The following KIAA1217 variants were observed in gnomAD, a reference collection of about 807,000 sequenced individuals.
KIAA1217 encodes sickle tail protein homolog.
In KIAA1217, 88 loss-of-function variants were observed where a neutral mutation model predicts 163.9. That is an observed-to-expected ratio of 0.54 (90% CI 0.45 to 0.64). KIAA1217 has a LOEUF of 0.64. Ranked by LOEUF, KIAA1217 falls within the 30% of genes least tolerant of loss-of-function variation. The pLI is 0.00. For missense variants in KIAA1217, 2,372 were observed against 2,475.0 expected (o/e 0.96, Z 0.88); for synonymous variants, 903 against 923.1 (o/e 0.98, Z 0.39).
rs2069485327 is a variant in KIAA1217 at position 24,513,204 on chromosome 10, C to T, written c.2002-55C>T. The T allele has an allele frequency of 6.4e-6, 10 of 1,557,136 alleles. No homozygotes were observed. In the Admixed American group the frequency reaches 6.9e-5, roughly 11 times the overall value. On this transcript the variant is annotated intron_variant, in intron 9 of 20. Coordinates refer to ENST00000376454, the MANE Select transcript of KIAA1217 (RefSeq NM_019590.5). ...CTCCGAAGACTTCAAGGCATTCACT[C>T]GCCTCCATTTCAGGCAGGCAGAGCC...
intron 2 of KIAA1217, among the ~76,000 whole-genome samples, chr10:24,016,182 A>G (rs1373426889): frequency 6.6e-6 from 1 of 152,138 alleles, no homozygotes; most frequent in African/African-American, 2.4e-5. Context: ...AGGCTGCTAT[A>G]GTAACATTTA....
intron 3 of KIAA1217, among the ~76,000 whole-genome samples, chr10:24,423,650 A>G (rs1043332377): frequency 7.2e-5 from 11 of 151,954 alleles, no homozygotes; most frequent in African/African-American, 2.2e-4. Context: ...AGTAGAGTCG[A>G]GGTTTCACCA....
At chr10:24,508,012 C>T (rs924189174) in intron 9 of KIAA1217, among the ~76,000 whole-genome samples, 7 of 152,062 alleles carry the variant, frequency 4.6e-5, no homozygotes, top group African/African-American at 1.7e-4. Flanking sequence ...AGAATACTTC[C>T]TAACTCATTT....
At chr10:23,861,975 T>C (rs1484744046) in intron 1 of KIAA1217, among the ~76,000 whole-genome samples, 1 of 152,174 alleles carries the variant, frequency 6.6e-6, no homozygotes, top group Non-Finnish European at 1.5e-5. Flanking sequence ...ATGACAGCAA[T>C]AGAAAACTAA....
Position 24,182,797 on chromosome 10 carries a change from A to T in KIAA1217, c.-170-36829A>T, listed in dbSNP as rs116567603. Among the ~76,000 whole-genome samples, 1,019 of 152,282 alleles carry T rather than the reference A, an allele frequency of 6.7e-3. 12 individuals carry two copies. Among genetic ancestry groups the T allele is most frequent in the African/African-American group, 0.023 (947 of 41,546 alleles). ...TAAAATTGTAGTGCTCCTGGTAAACATGTTTGGAGAGGGATTTTAGGAGAT... is the reference window on the plus strand; with the variant it reads ...TAAAATTGTAGTGCTCCTGGTAAACTTGTTTGGAGAGGGATTTTAGGAGAT... On this transcript the variant is annotated intron_variant, in intron 2 of 18. Coordinates refer to the KIAA1217 transcript ENST00000376462.
At chr10:23,839,686 C>T (rs1023430626) in intron 1 of KIAA1217, among the ~76,000 whole-genome samples, 2 of 152,288 alleles carry the variant, frequency 1.3e-5, no homozygotes, top group Non-Finnish European at 1.5e-5. Context: ...TCCTACAGAT[C>T]ATCCCTTTCC....
intron 2 of KIAA1217, among the ~76,000 whole-genome samples, chr10:24,159,545 C>T (rs573319685): frequency 4.0e-5 from 6 of 151,880 alleles, no homozygotes; most frequent in East Asian, 1.9e-4. Context: ...TTTGGGAGGC[C>T]GAGGCGGGCG....
intron 2 of KIAA1217, among the ~76,000 whole-genome samples, chr10:24,361,251 A>G (rs10741053): frequency 0.38 from 58,337 of 151,896 alleles, 12,175 homozygotes; most frequent in Middle Eastern, 0.48. Context: ...TAGTGGCGCA[A>G]TCACAGGTCA....
chr10:24,120,499 G>A (rs2063240444), intron 2 of KIAA1217, among the ~76,000 whole-genome samples: 1 of 152,262 alleles, frequency 6.6e-6, no homozygotes, highest in Non-Finnish European at 1.5e-5. Context: ...GCATAATGTT[G>A]CCCCTATAGC....
intron 14 of KIAA1217, 86 bp downstream of exon 14, chr10:24,528,205 A>C: frequency 9.5e-7 from 1 of 1,049,346 alleles, no homozygotes. Flanking sequence ...CATACTCATC[A>C]ACAGAACCAA....
intron 2 of KIAA1217, among the ~76,000 whole-genome samples, chr10:24,138,467 C>T (rs2063919579): frequency 6.6e-6 from 1 of 152,092 alleles, no homozygotes; most frequent in Non-Finnish European, 1.5e-5. Context: ...TTTTCACATA[C>T]TTGCAATTAT....
intron 1 of KIAA1217, among the ~76,000 whole-genome samples, chr10:23,949,374 A>G (rs1335948188): frequency 1.3e-5 from 2 of 152,150 alleles, no homozygotes; most frequent in East Asian, 3.9e-4. Context: ...TTACAGTTTC[A>G]GTTGTTTGTT....
chr10:24,256,858 T>G (rs1225537922), intron 2 of KIAA1217, among the ~76,000 whole-genome samples: 1 of 152,178 alleles, frequency 6.6e-6, no homozygotes, highest in African/African-American at 2.4e-5. Flanking sequence ...ATATGGAATA[T>G]CTGGTCAACA....
chr10:24,363,557 T>G (rs35796618), intron 2 of KIAA1217, among the ~76,000 whole-genome samples: 53,616 of 127,526 alleles, frequency 0.42, 11,131 homozygotes, highest in Middle Eastern at 0.5. Flanking sequence ...TTTTTGTGGG[T>G]TTTGTTTTTG....
chr10:24,034,282 G>A (rs1848301929), intron 2 of KIAA1217, among the ~76,000 whole-genome samples: 1 of 152,150 alleles, frequency 6.6e-6, no homozygotes, highest in South Asian at 2.1e-4. Flanking sequence ...AAGCTAGCCA[G>A]GTGCTGTGGC....
At chr10:24,073,179 G>A (rs750951062) in intron 2 of KIAA1217, among the ~76,000 whole-genome samples, 7 of 152,098 alleles carry the variant, frequency 4.6e-5, no homozygotes, top group Non-Finnish European at 7.3e-5. Flanking sequence ...GCCTGAATTC[G>A]GGAGCGAGCG....
chr10:23,864,582 A>C (rs1840100889), intron 1 of KIAA1217, among the ~76,000 whole-genome samples: 1 of 151,536 alleles, frequency 6.6e-6, no homozygotes, highest in Non-Finnish European at 1.5e-5. Flanking sequence ...CAGCTTGGGA[A>C]AAATTCTTCC....
At chr10:23,760,704 G>T (rs940072059) in intron 1 of KIAA1217, among the ~76,000 whole-genome samples, 1 of 152,204 alleles carries the variant, frequency 6.6e-6, no homozygotes, top group Admixed American at 6.5e-5. Flanking sequence ...ACTTTGGGAG[G>T]CCCAGGTGGG....
chr10:24,509,779 G>A lies in KIAA1217; in HGVS notation c.2002-3480G>A, dbSNP rs2068850209. On this transcript the variant is annotated intron_variant, in intron 9 of 20. Transcript: ENST00000376454. ...CTATATTTGTTTTTTTCACATGCCT[G>A]CTGTGTCAAATATATACTGTATTCT... Among the ~76,000 whole-genome samples, 3 of 152,058 alleles carry A rather than the reference G, an allele frequency of 2.0e-5. No individual in the cohort carries two copies. The South Asian group carries it at 6.2e-4, about 32-fold the overall frequency.
Sources: allele counts gnomAD v4.1 joint callset (sites outside exome capture counted in the v4.1 genomes callset), GRCh38; gene constraint gnomAD v4.1.1; transcripts MANE v1.5; gene names NCBI Gene and HGNC (gene_info 2026-07-23, HGNC 2026-07-21).